Variants in CHRM3 observed in about 807,000 individuals in gnomAD.
CHRM3 encodes the protein cholinergic receptor muscarinic 3.
Under a neutral mutation model 41.8 loss-of-function variants are expected in CHRM3, and 11 were observed. That is an observed-to-expected ratio of 0.26 (90% CI 0.17 to 0.44). CHRM3 has a LOEUF of 0.44. CHRM3 is among the 20% of genes least tolerant of loss of function. The pLI is 1.00. For synonymous variants in CHRM3, 297 were observed against 301.4 expected, an observed-to-expected ratio of 0.99 and a Z score of 0.15; for missense variants, 571 against 745.4, an observed-to-expected ratio of 0.77 and a Z score of 2.72.
rs78414182 is a variant in CHRM3, at chr1:239,909,421, G to A, written c.*197G>A. 526 of 427,942 alleles carry A rather than the reference G, an allele frequency of 1.2e-3. No individual in the cohort carries two copies. The highest frequency in any genetic ancestry group is 2.8e-3 in the South Asian group (45 of 15,816). 26.5% of individuals were successfully genotyped at this position (427,942 alleles called of 1,614,324 possible). Reference sequence around the variant, plus strand: ...AAAGTCAATACCAATTCAGCAAAAAGAAAAAAAAAACATACTACTGAATAT... The same window carrying A: ...AAAGTCAATACCAATTCAGCAAAAAAAAAAAAAAAACATACTACTGAATAT... On this transcript the variant is annotated 3_prime_UTR_variant, in exon 7 of 7. Coordinates refer to ENST00000676153, the MANE Select transcript of CHRM3 (RefSeq NM_001375978.1).
intron 1 of CHRM3, among the ~76,000 whole-genome samples, chr1:239,404,738 A>ATG (rs1660455496): frequency 2.1e-5 from 3 of 142,302 alleles, no homozygotes; most frequent in African/African-American, 7.7e-5. Flanking sequence ...ATATATATAT[A>ATG]TATATATATA....
chr1:239,782,845 CT>C (rs1668605595), intron 5 of CHRM3, among the ~76,000 whole-genome samples: 1 of 152,030 alleles, frequency 6.6e-6, no homozygotes, highest in Admixed American at 6.5e-5. Context: ...TTCCAAATTT[CT>C]TTTTGCGATT....
intron 1 of CHRM3, among the ~76,000 whole-genome samples, chr1:239,438,881 G>C (rs1399374405): frequency 6.6e-6 from 1 of 152,060 alleles, no homozygotes; most frequent in Non-Finnish European, 1.5e-5. Context: ...ATGTGCACCA[G>C]TCATTAAAAA....
intron 6 of CHRM3, among the ~76,000 whole-genome samples, chr1:239,870,077 C>T (rs959561214): frequency 9.2e-5 from 14 of 152,126 alleles, no homozygotes; most frequent in Non-Finnish European, 1.5e-4. Context: ...GTCCTTGAAG[C>T]TAAATAAGGT....
chr1:239,689,146 C>A (rs1269420954), intron 5 of CHRM3, among the ~76,000 whole-genome samples: 1 of 151,794 alleles, frequency 6.6e-6, no homozygotes, highest in Non-Finnish European at 1.5e-5. Context: ...TTTACAAATT[C>A]TCTAACCCTT....
At chr1:239,612,285 T>A (rs1478524718) in intron 3 of CHRM3, among the ~76,000 whole-genome samples, 1 of 152,224 alleles carries the variant, frequency 6.6e-6, no homozygotes, top group East Asian at 1.9e-4. Context: ...TATCATATAT[T>A]TAACCAGTTT....
At position 239,694,917 on chromosome 1, in the gene CHRM3, T is replaced by C. The variant is rs1394720603; in HGVS notation, c.-147+16629T>C. On this transcript the variant is annotated intron_variant, in intron 5 of 6. Transcript: ENST00000676153. ...ACCTTGTAGAGTCGTGTATTTATTT[T>C]TCATTGGTGTCTATGCTGCAGACCA... 5.3e-5 allele frequency among the ~76,000 whole-genome samples: 8 copies of C among 152,220 alleles called. No homozygotes were observed. In the East Asian group the frequency reaches 1.5e-3, roughly 29 times the overall value.
intron 5 of CHRM3, among the ~76,000 whole-genome samples, chr1:239,708,743 T>C (rs893385587): frequency 7.2e-6 from 1 of 137,940 alleles, no homozygotes; most frequent in Non-Finnish European, 1.6e-5. Flanking sequence ...TTTCTTTTTT[T>C]TTTTTTTTTT....
intron 1 of CHRM3, among the ~76,000 whole-genome samples, chr1:239,442,547 C>A (rs536678655): frequency 5.0e-4 from 76 of 151,676 alleles, no homozygotes; most frequent in South Asian, 2.5e-3. Flanking sequence ...AGTGATATTT[C>A]TTTATCCTGC....
chr1:239,874,018 A>G (rs953936029), intron 6 of CHRM3, among the ~76,000 whole-genome samples: 1 of 151,590 alleles, frequency 6.6e-6, no homozygotes, highest in Non-Finnish European at 1.5e-5. Context: ...TACATACATC[A>G]TCCTTTGTTA....
Position 239,809,449 on chromosome 1 carries a change from C to T in CHRM3, c.-146-17803C>T, listed in dbSNP as rs568817613. On this transcript the variant is annotated intron_variant, in intron 5 of 6. Coordinates refer to ENST00000676153, the MANE Select transcript of CHRM3 (RefSeq NM_001375978.1). Reference sequence around the variant, plus strand: ...CTTTCCATCTTCCCTCACTGTGTCCCCTTCCTAGGAATGAGTCCGAGGTCC... The same window carrying T: ...CTTTCCATCTTCCCTCACTGTGTCCTCTTCCTAGGAATGAGTCCGAGGTCC... Among the ~76,000 whole-genome samples, 3 of 152,148 alleles carry T rather than the reference C, an allele frequency of 2.0e-5. No individual in the cohort carries two copies. In the East Asian group the frequency reaches 5.8e-4, roughly 30 times the overall value.
intron 1 of CHRM3, among the ~76,000 whole-genome samples, chr1:239,403,441 A>T (rs1660147287): frequency 6.6e-6 from 1 of 152,240 alleles, no homozygotes; most frequent in Non-Finnish European, 1.5e-5. Flanking sequence ...TTTATCCATT[A>T]GTGAACAGTA....
intron 5 of CHRM3, among the ~76,000 whole-genome samples, chr1:239,691,423 A>AG (rs1659708766): frequency 6.6e-6 from 1 of 151,780 alleles, no homozygotes. Context: ...CAAAAAAAAA[A>AG]GAAAGAAAAT....
chr1:239,691,593 G>C (rs1022540724), intron 5 of CHRM3, among the ~76,000 whole-genome samples: 2 of 152,058 alleles, frequency 1.3e-5, no homozygotes. Flanking sequence ...TGGCCCTCAC[G>C]CCTATCTGGA....
In CHRM3 at chr1:239,667,869, A is replaced by G. The variant is rs368180377; in HGVS notation, c.-249-10317A>G. Among the ~76,000 whole-genome samples, 3 of 152,228 alleles carry G rather than the reference A, an allele frequency of 2.0e-5. No individual in the cohort carries two copies. In the East Asian group the frequency reaches 5.8e-4, roughly 29 times the overall value. On this transcript the variant is annotated intron_variant, in intron 4 of 6. Coordinates refer to ENST00000676153, the MANE Select transcript of CHRM3 (RefSeq NM_001375978.1). ...ATACCTGATAGGAACAGAATCATCC[A>G]TCTGTGCTCTTGTACATTTGTAACT...
intron 3 of CHRM3, among the ~76,000 whole-genome samples, chr1:239,614,337 G>A (rs1235067077): frequency 1.3e-5 from 2 of 152,136 alleles, no homozygotes; most frequent in Non-Finnish European, 2.9e-5. Context: ...ATCAGAGAGT[G>A]TGACTTCTGA....
chr1:239,540,134 C>T (rs1246866784), intron 2 of CHRM3, among the ~76,000 whole-genome samples: 1 of 152,138 alleles, frequency 6.6e-6, no homozygotes, highest in Non-Finnish European at 1.5e-5. Context: ...AAGGAAGTCA[C>T]CTAATGATGC....
At chr1:239,564,433 T>A (rs1375234808) in intron 3 of CHRM3, among the ~76,000 whole-genome samples, 1 of 152,168 alleles carries the variant, frequency 6.6e-6, no homozygotes, top group Non-Finnish European at 1.5e-5. Flanking sequence ...TTAATGGAGT[T>A]AATTACCTGC....
chr1:239,515,318 T>A (rs1371758832), intron 2 of CHRM3, among the ~76,000 whole-genome samples: 1 of 151,854 alleles, frequency 6.6e-6, no homozygotes, highest in Non-Finnish European at 1.5e-5. Flanking sequence ...ACGTAAATTT[T>A]AAAAATTATA....
Sources: gnomAD v4.1 joint callset for allele counts (sites outside exome capture counted in the v4.1 genomes callset) on GRCh38, gnomAD v4.1.1 for gene constraint, MANE v1.5 for transcripts, NCBI Gene and HGNC (gene_info 2026-07-23, HGNC 2026-07-21) for gene names.